VPS35L: variants seen among roughly 807,000 people sequenced by gnomAD.
VPS35L encodes the protein VPS35 endosomal protein-sorting factor-like.
A neutral mutation model predicts 133.0 loss-of-function variants in VPS35L; 83 were observed. That is an observed-to-expected ratio of 0.62 (90% CI 0.52 to 0.75). The LOEUF is 0.75. Among genes scored for constraint, VPS35L ranks in the 30% least tolerant of loss-of-function variants. The pLI, the probability that VPS35L is intolerant of heterozygous loss-of-function variation, is 0.00. For missense variants in VPS35L, 1,083 were observed against 1,206.8 expected, an observed-to-expected ratio of 0.90 and a Z score of 1.52; for synonymous variants, 423 against 449.9, an observed-to-expected ratio of 0.94 and a Z score of 0.76.
At chr16:19,638,541 A>C (rs1973690590) in intron 20 of VPS35L, among the ~76,000 whole-genome samples, 1 of 152,244 alleles carries the variant, frequency 6.6e-6, no homozygotes, top group South Asian at 2.1e-4. Flanking sequence ...GACTGACAAC[A>C]ATAGCTAAAA....
chr16:19,595,687 CT>C (rs1257046942), intron 8 of VPS35L, among the ~76,000 whole-genome samples: 1 of 152,244 alleles, frequency 6.6e-6, no homozygotes, highest in East Asian at 1.9e-4. Context: ...ACTCTGCCAG[CT>C]CCTGCCAGCA....
At chr16:19,598,371 A>G (rs1972280737) in intron 8 of VPS35L, among the ~76,000 whole-genome samples, 2 of 152,348 alleles carry the variant, frequency 1.3e-5, no homozygotes, top group Non-Finnish European at 2.9e-5. Context: ...TAAGAAAGCA[A>G]ATCAAGACAG....
intron 29 of VPS35L, among the ~76,000 whole-genome samples, chr16:19,694,996 A>C (rs1274278237): frequency 6.9e-6 from 1 of 144,646 alleles, no homozygotes; most frequent in African/African-American, 2.6e-5. Context: ...ACAGAACGAG[A>C]CTCTGTTTCA....
rs10709909 is a variant in VPS35L, at chr16:19,599,537, C to CTTTTT, written c.725-2116_725-2112dup. 1.2e-3 allele frequency among the ~76,000 whole-genome samples: 177 copies of CTTTTT among 145,658 alleles called. 2 individuals are homozygous for CTTTTT. Among genetic ancestry groups the CTTTTT allele is most frequent in the African/African-American group, 3.7e-3 (145 of 39,594 alleles). On this transcript the variant is annotated intron_variant, in intron 8 of 30. Coordinates refer to ENST00000417362, the MANE Select transcript of VPS35L (RefSeq NM_020314.7). ...TTCCTAGTCCTCATCCTCCAAAATA[C>CTTTTT]TTTTTTTTTTTTTTTAAAGACAGTG...
chr16:19,626,621 G>A (rs56293543), intron 15 of VPS35L, among the ~76,000 whole-genome samples: 1 of 151,956 alleles, frequency 6.6e-6, no homozygotes, highest in African/African-American at 2.4e-5. Flanking sequence ...AACTAGCCGG[G>A]CTTGGTGGTG....
chr16:19,587,519 CT>C, intron 7 of VPS35L: 1 of 256,250 alleles, frequency 3.9e-6, no homozygotes, highest in Non-Finnish European at 7.9e-6. Context: ...ATCCCAGCTA[CT>C]TGATACTCAA....
rs1026221922 is a variant in VPS35L at position 19,580,342 on chromosome 16, C to G, written c.511-1183C>G. On this transcript the variant is annotated intron_variant, in intron 6 of 30. Transcript: ENST00000417362. ...GACCAGGCTGGTCTCAAACTCCTGA[C>G]CTCAAGTGATCCACCCGCCTCAGCC... 2.0e-5 allele frequency among the ~76,000 whole-genome samples: 3 copies of G among 151,742 alleles called. No homozygotes were observed. The East Asian group carries it at 5.9e-4, about 30-fold the overall frequency.
intron 5 of VPS35L, among the ~76,000 whole-genome samples, chr16:19,575,549 G>A (rs1272679889): frequency 7.0e-6 from 1 of 143,608 alleles, no homozygotes; most frequent in Non-Finnish European, 1.5e-5. Flanking sequence ...CTGGGTGACA[G>A]GAATGCCGTC....
At chr16:19,569,620 T>TG in intron 3 of VPS35L, 29 bp downstream of exon 3, 1 of 1,509,682 alleles carries the variant, frequency 6.6e-7, no homozygotes, top group Non-Finnish European at 8.8e-7. Flanking sequence ...GGTCGTCCAG[T>TG]GGGGGTTGGT....
At chr16:19,607,541 A>G (rs8061059) in intron 9 of VPS35L, among the ~76,000 whole-genome samples, 26,724 of 152,154 alleles carry the variant, frequency 0.18, 2,621 homozygotes, top group African/African-American at 0.26. Context: ...CTAATGGAGT[A>G]AACTGGCAGT....
At chr16:19,668,111 A>G (rs1368391821) in intron 26 of VPS35L, among the ~76,000 whole-genome samples, 1 of 152,192 alleles carries the variant, frequency 6.6e-6, no homozygotes, top group African/African-American at 2.4e-5. Context: ...TTCCCAGGAA[A>G]GTGAGCATTT....
intron 23 of VPS35L, among the ~76,000 whole-genome samples, chr16:19,645,435 GCCCGGCA>G (rs1221386643): frequency 6.6e-6 from 1 of 151,966 alleles, no homozygotes; most frequent in Admixed American, 6.6e-5. Context: ...GACTACAGGC[GCCCGGCA>G]CCACGCCCGG....
At chr16:19,655,556 G>C (rs563426816) in intron 26 of VPS35L, among the ~76,000 whole-genome samples, 1 of 152,242 alleles carries the variant, frequency 6.6e-6, no homozygotes, top group Admixed American at 6.5e-5. Flanking sequence ...CCCAAGGCTG[G>C]GTCCATCCCG....
At chr16:19,571,519 CT>C (rs951530016) in intron 3 of VPS35L, among the ~76,000 whole-genome samples, 27 of 149,650 alleles carry the variant, frequency 1.8e-4, no homozygotes, top group Admixed American at 4.7e-4. Flanking sequence ...CACCCCACAA[CT>C]TTTTTTTTTA....
At chr16:19,601,507 A>T (rs16972232) in intron 8 of VPS35L, 157 bp from the exon 9 acceptor site, 100,384 of 654,402 alleles carry the variant, frequency 0.15, 8,629 homozygotes, top group African/African-American at 0.26. Flanking sequence ...AACAAAAAAA[A>T]TGTGGCTTAA....
intron 26 of VPS35L, among the ~76,000 whole-genome samples, chr16:19,661,397 T>C (rs1285815691): frequency 1.3e-5 from 2 of 152,170 alleles, no homozygotes; most frequent in Admixed American, 1.3e-4. Context: ...GTTGCCCAAT[T>C]GGTATTTTAG....
chr16:19,668,591 A>AGTGTGTGTGTGTGTGTGT (rs35546511), intron 26 of VPS35L, among the ~76,000 whole-genome samples: 40 of 147,490 alleles, frequency 2.7e-4, no homozygotes, highest in African/African-American at 8.7e-4. Context: ...CTTTAAGCTG[A>AGTGTGTGTGTGTGTGTGT]GTGTGTGTGT....
At chr16:19,647,632 TTC>T (rs1973992113) in intron 23 of VPS35L, 150 bp from the exon 24 acceptor site, 1 of 636,382 alleles carries the variant, frequency 1.6e-6, no homozygotes, top group Non-Finnish European at 2.8e-6. Context: ...CACTCTGAGC[TTC>T]TGTTTTATAC....
Position 19,693,871 on chromosome 16 carries a change from G to A in VPS35L, c.2646+2400G>A, listed in dbSNP as rs186939219. Among the ~76,000 whole-genome samples, 879 of 150,714 alleles carry A rather than the reference G, an allele frequency of 5.8e-3. 4 individuals carry two copies. The highest frequency in any genetic ancestry group is 0.012 in the South Asian group (58 of 4,744). On this transcript the variant is annotated intron_variant, in intron 29 of 30. Transcript: ENST00000417362. Reference sequence around the variant, plus strand: ...GGCTGAGGCGGGAATTGAAGGCTGCGGCGGGAACTCGAGGCTGCAGTGAGC... The same window carrying A: ...GGCTGAGGCGGGAATTGAAGGCTGCAGCGGGAACTCGAGGCTGCAGTGAGC...
Sources: allele counts gnomAD v4.1 joint callset (sites outside exome capture counted in the v4.1 genomes callset), GRCh38; gene constraint gnomAD v4.1.1; transcripts MANE v1.5; gene names NCBI Gene and HGNC (gene_info 2026-07-23, HGNC 2026-07-21).